The following PRDM1 variants were observed in gnomAD, a reference collection of about 807,000 sequenced individuals.
The protein encoded by PRDM1 is PR/SET domain 1.
PRDM1 carries 13 observed loss-of-function variants against 62.8 expected under a neutral mutation model. That is an observed-to-expected ratio of 0.21 (90% CI 0.13 to 0.33). PRDM1 has a LOEUF of 0.33. PRDM1 is among the 10% of genes least tolerant of loss of function. The pLI is 1.00. For synonymous variants in PRDM1, 396 were observed against 417.6 expected (o/e 0.95, Z 0.63); for missense variants, 895 against 1,058.8 (o/e 0.85, Z 2.15).
intron 1 of PRDM1, among the ~76,000 whole-genome samples, chr6:106,032,680 A>G (rs1772861884): frequency 6.6e-6 from 1 of 152,038 alleles, no homozygotes; most frequent in African/African-American, 2.4e-5. Flanking sequence ...TGACCTTGTG[A>G]TCCACCTGCC....
chr6:106,088,083 C>G (rs1184044050), intron 1 of PRDM1, 118 bp from the exon 2 acceptor site: 27 of 1,286,876 alleles, frequency 2.1e-5, no homozygotes, highest in Non-Finnish European at 2.4e-5. Flanking sequence ...TCAACTGTAC[C>G]AAGCACTCTG....
chr6:105,997,602 G>A (rs1219752763), intron 1 of PRDM1, among the ~76,000 whole-genome samples: 4 of 152,228 alleles, frequency 2.6e-5, no homozygotes, highest in Admixed American at 2.0e-4. Flanking sequence ...AGTACCAGAG[G>A]TTCCCTGAGT....
intron 1 of PRDM1, among the ~76,000 whole-genome samples, chr6:106,063,690 C>T (rs937196347): frequency 3.0e-4 from 45 of 152,134 alleles, no homozygotes; most frequent in Non-Finnish European, 8.8e-5. Flanking sequence ...TTGACCAAAT[C>T]ATTTGTTAGC....
At chr6:106,030,772 A>T (rs1274640239) in intron 1 of PRDM1, among the ~76,000 whole-genome samples, 1 of 152,168 alleles carries the variant, frequency 6.6e-6, no homozygotes, top group African/African-American at 2.4e-5. Context: ...CCAGCACCGT[A>T]TGCTAAAAAG....
Position 106,088,777 on chromosome 6 carries a change from C to T in PRDM1, c.291+328C>T, listed in dbSNP as rs184656753. Reference sequence around the variant, plus strand: ...GCTCTGGGCCCACTGGCCCTAGTGTCCCTGTTGTACAATATCTCTTAAGGG... The same window carrying T: ...GCTCTGGGCCCACTGGCCCTAGTGTTCCTGTTGTACAATATCTCTTAAGGG... On this transcript the variant is annotated intron_variant, in intron 2 of 6. Coordinates refer to ENST00000369096, the MANE Select transcript of PRDM1 (RefSeq NM_001198.4). 2.4e-3 allele frequency among the ~76,000 whole-genome samples: 368 copies of T among 152,272 alleles called. 5 individuals carry two copies. The highest frequency in any genetic ancestry group is 9.7e-4 in the Non-Finnish European group (66 of 68,030).
At chr6:106,010,162 A>T (rs1331050896) in intron 1 of PRDM1, among the ~76,000 whole-genome samples, 3 of 152,124 alleles carry the variant, frequency 2.0e-5, no homozygotes. Context: ...CTACAAACTA[A>T]TTTAGCTTGT....
At chr6:106,101,429 A>G (rs539115439) in intron 4 of PRDM1, among the ~76,000 whole-genome samples, 1 of 152,350 alleles carries the variant, frequency 6.6e-6, no homozygotes, top group African/African-American at 2.4e-5. Context: ...TTCAGAAGCA[A>G]CTGTCATATA....
chr6:106,092,278 T>C (rs1773985972), intron 2 of PRDM1, among the ~76,000 whole-genome samples: 2 of 152,172 alleles, frequency 1.3e-5, no homozygotes, highest in Non-Finnish European at 2.9e-5. Flanking sequence ...CTGTGGAAAC[T>C]GTGGACGGCG....
chr6:106,006,878 T>C (rs1772489875), intron 1 of PRDM1, among the ~76,000 whole-genome samples: 1 of 151,944 alleles, frequency 6.6e-6, no homozygotes, highest in Non-Finnish European at 1.5e-5. Context: ...AGCTTAAAAA[T>C]GTCTAAGGTC....
chr6:106,053,564 TAGAA>T (rs1562154149), intron 1 of PRDM1, among the ~76,000 whole-genome samples: 1 of 152,156 alleles, frequency 6.6e-6, no homozygotes, highest in Non-Finnish European at 1.5e-5. Context: ...TGTATTCTAA[TAGAA>T]TACATAAGTA....
chr6:106,018,475 T>G (rs550425097), intron 1 of PRDM1, among the ~76,000 whole-genome samples: 2 of 152,336 alleles, frequency 1.3e-5, no homozygotes, highest in African/African-American at 4.8e-5. Flanking sequence ...TTTTACCTAG[T>G]GTCCTTTTTC....
chr6:106,091,186 C>T (rs938583368), intron 2 of PRDM1, among the ~76,000 whole-genome samples: 2 of 150,260 alleles, frequency 1.3e-5, no homozygotes, highest in Middle Eastern at 3.4e-3. Flanking sequence ...GAGTTTCTGC[C>T]GTCGGTTGAG....
intron 1 of PRDM1, among the ~76,000 whole-genome samples, chr6:106,054,016 T>C (rs1406087088): frequency 3.3e-5 from 5 of 152,128 alleles, no homozygotes; most frequent in Non-Finnish European, 7.4e-5. Flanking sequence ...AGCAGGATCA[T>C]TGTGTTGGTC....
At chr6:106,081,466 G>T (rs1218257905), upstream of PRDM1, among the ~76,000 whole-genome samples, 4 of 152,190 alleles carry the variant, frequency 2.6e-5, no homozygotes, top group Non-Finnish European at 2.9e-5. Flanking sequence ...TACCAAAAAA[G>T]AGTCTGGGAG....
At position 106,095,742 on chromosome 6, in the gene PRDM1, A is replaced by T; in HGVS notation, c.411+8A>T. 2.5e-6 allele frequency: 4 copies of T among 1,613,494 alleles called. No homozygotes were observed. Among genetic ancestry groups the T allele is most frequent in the Non-Finnish European group, 3.4e-6 (4 of 1,179,862 alleles). Reference sequence around the variant, plus strand: ...AGGAAATATTTTTGGAGGGTAAGTAAGGGAAATTTCTTCAGACCCATTAAA... The same window carrying T: ...AGGAAATATTTTTGGAGGGTAAGTATGGGAAATTTCTTCAGACCCATTAAA... On this transcript the variant is annotated splice_region_variant and intron_variant, in intron 3 of 6. Transcript: ENST00000369096.
Position 106,050,396 on chromosome 6 carries a change from G to A in PRDM1, c.-67+1682G>A, listed in dbSNP as rs1358655555. Among the ~76,000 whole-genome samples the A allele has an allele frequency of 3.3e-5, 5 of 152,334 alleles. 1 individual carries two copies. The South Asian group carries it at 8.3e-4, about 25-fold the overall frequency. On this transcript the variant is annotated intron_variant, in intron 1 of 6. Transcript: ENST00000651185. Reference sequence around the variant, plus strand: ...GTGTGATTTGAAGACATCATGAGAAGAGCTTTACTAAAATTAAAATGAAAA... The same window carrying A: ...GTGTGATTTGAAGACATCATGAGAAAAGCTTTACTAAAATTAAAATGAAAA...
intron 1 of PRDM1, among the ~76,000 whole-genome samples, chr6:106,035,279 T>A (rs1243072670): frequency 6.6e-6 from 1 of 152,234 alleles, no homozygotes; most frequent in African/African-American, 2.4e-5. Flanking sequence ...GTATTGAGCC[T>A]TTTATTAATA....
chr6:106,003,332 A>G (rs946211702), intron 1 of PRDM1, among the ~76,000 whole-genome samples: 9 of 152,208 alleles, frequency 5.9e-5, no homozygotes, highest in Non-Finnish European at 2.9e-5. Flanking sequence ...CATTCAGGAC[A>G]TTTTAAATAA....
chr6:106,070,182 T>C (rs181245700), intron 1 of PRDM1, among the ~76,000 whole-genome samples: 1 of 152,224 alleles, frequency 6.6e-6, no homozygotes, highest in Non-Finnish European at 1.5e-5. Context: ...ATGACAAAAC[T>C]GCTGACTTCA....
Sources: allele counts gnomAD v4.1 joint callset (sites outside exome capture counted in the v4.1 genomes callset), GRCh38; gene constraint gnomAD v4.1.1; transcripts MANE v1.5; gene names NCBI Gene and HGNC (gene_info 2026-07-23, HGNC 2026-07-21).